Variants in ARB2A observed in about 807,000 individuals in gnomAD.
ARB2A encodes ARB2 cotranscriptional regulator A.
the ARB2A span, among the ~76,000 whole-genome samples, chr5:93,924,965 A>T: frequency 6.6e-6 from 1 of 152,154 alleles, no homozygotes; most frequent in East Asian, 1.9e-4. Context: ...GATACTGTCA[A>T]ATGTAAAATC....
the ARB2A span, among the ~76,000 whole-genome samples, chr5:94,049,528 T>G: frequency 6.7e-6 from 1 of 149,424 alleles, no homozygotes; most frequent in Non-Finnish European, 1.5e-5. Context: ...TGAAACCCCA[T>G]CTCTACTAAA....
chr5:93,975,930 C>T, the ARB2A span, among the ~76,000 whole-genome samples: 3 of 151,900 alleles, frequency 2.0e-5, no homozygotes, highest in Non-Finnish European at 4.4e-5. Context: ...AACTCCCTAT[C>T]CCAATCTGGT....
chr5:94,022,077 A>G, the ARB2A span, among the ~76,000 whole-genome samples: 3 of 152,170 alleles, frequency 2.0e-5, no homozygotes, highest in African/African-American at 7.2e-5. Flanking sequence ...GCAAATAATA[A>G]TAACAATAAT....
the ARB2A span, chr5:93,958,746 C>CAA: frequency 6.0e-4 from 660 of 1,107,208 alleles, no homozygotes; most frequent in Admixed American, 2.2e-3. Context: ...TATAAAATGC[C>CAA]AAAAAAAAAA....
At chr5:93,677,298 A>T in the ARB2A span, among the ~76,000 whole-genome samples, 1 of 152,206 alleles carries the variant, frequency 6.6e-6, no homozygotes, top group Non-Finnish European at 1.5e-5. Context: ...GCATTGAGTG[A>T]CTCTCTGACT....
the ARB2A span, among the ~76,000 whole-genome samples, chr5:93,630,918 C>T: frequency 3.9e-5 from 6 of 151,910 alleles, no homozygotes; most frequent in African/African-American, 1.5e-4. Context: ...AAGACAGGGT[C>T]GTCTTGCTTT....
the ARB2A span, among the ~76,000 whole-genome samples, chr5:93,855,791 C>T: frequency 6.6e-6 from 1 of 152,106 alleles, no homozygotes; most frequent in African/African-American, 2.4e-5. Flanking sequence ...TTGGAAAGGA[C>T]ATGCACACCA....
At chr5:93,735,044 A>G in the ARB2A span, 1 of 152,242 alleles carries the variant, frequency 6.6e-6, no homozygotes, top group Non-Finnish European at 1.5e-5. Flanking sequence ...GGCATGAGCC[A>G]CCGCACCTGG....
the ARB2A span, chr5:93,776,239 C>G: frequency 6.2e-7 from 1 of 1,609,084 alleles, no homozygotes. Flanking sequence ...CCAATTACAA[C>G]AGTTCTGCAA....
At chr5:93,672,115 G>A in the ARB2A span, among the ~76,000 whole-genome samples, 3 of 152,080 alleles carry the variant, frequency 2.0e-5, no homozygotes, top group Admixed American at 1.3e-4. Flanking sequence ...TCAATTATCA[G>A]TCTTCTAAAT....
chr5:93,930,276 T>C, the ARB2A span, among the ~76,000 whole-genome samples: 1 of 152,196 alleles, frequency 6.6e-6, no homozygotes, highest in African/African-American at 2.4e-5. Context: ...CTTGGATAAT[T>C]ACAGTAAGGA....
the ARB2A span, among the ~76,000 whole-genome samples, chr5:93,875,839 G>A: frequency 1.3e-5 from 2 of 151,944 alleles, no homozygotes; most frequent in Non-Finnish European, 2.9e-5. Flanking sequence ...GTTAATTGGG[G>A]TACACAAGTT....
chr5:93,751,452 C>T, the ARB2A span, among the ~76,000 whole-genome samples: 1 of 152,020 alleles, frequency 6.6e-6, no homozygotes, highest in Non-Finnish European at 1.5e-5. Context: ...CACCTACAAA[C>T]TGAAGTCATT....
At chr5:93,694,854 G>T in the ARB2A span, among the ~76,000 whole-genome samples, 2 of 152,118 alleles carry the variant, frequency 1.3e-5, no homozygotes, top group Admixed American at 6.5e-5. Context: ...TTGACCAATG[G>T]AACAGAACAG....
the ARB2A span, among the ~76,000 whole-genome samples, chr5:93,757,375 G>T: frequency 5.1e-4 from 77 of 152,252 alleles, no homozygotes; most frequent in Non-Finnish European, 8.8e-4. Flanking sequence ...GATGCACAAA[G>T]AACACCTGGG....
the ARB2A span, among the ~76,000 whole-genome samples, chr5:93,845,449 G>A: frequency 1.3e-5 from 2 of 152,162 alleles, no homozygotes; most frequent in Admixed American, 1.3e-4. Flanking sequence ...GAAAGTAATG[G>A]CCTATACTAA....
chr5:93,776,304 G>A, the ARB2A span: 1 of 1,356,860 alleles, frequency 7.4e-7, no homozygotes, highest in African/African-American at 1.5e-5. Context: ...GAATTTTTAG[G>A]GAGAGTTTAA....
At chr5:94,022,255 G>A in the ARB2A span, among the ~76,000 whole-genome samples, 3 of 152,230 alleles carry the variant, frequency 2.0e-5, no homozygotes, top group South Asian at 6.2e-4. Context: ...ACCAACAAGT[G>A]AATACCTTAG....
the ARB2A span, among the ~76,000 whole-genome samples, chr5:93,697,939 C>G: frequency 6.6e-6 from 1 of 151,906 alleles, no homozygotes; most frequent in Admixed American, 6.6e-5. Context: ...TATAAAATGC[C>G]TCTAACACTA....
Sources: gnomAD v4.1 joint callset for allele counts (sites outside exome capture counted in the v4.1 genomes callset) on GRCh38, gnomAD v4.1.1 for gene constraint, MANE v1.5 for transcripts, NCBI Gene and HGNC (gene_info 2026-07-23, HGNC 2026-07-21) for gene names.